Variants in SCAF4 observed in about 807,000 individuals in gnomAD.
The protein encoded by SCAF4 is SR-related CTD associated factor 4.
A neutral mutation model predicts 129.8 loss-of-function variants in SCAF4; 25 were observed. That is an observed-to-expected ratio of 0.19 (90% confidence interval 0.14 to 0.27). The LOEUF (loss-of-function observed/expected upper bound fraction) is 0.27. Ranked by LOEUF, SCAF4 falls within the 10% of genes least tolerant of loss-of-function variation. The pLI is 1.00. For missense variants in SCAF4, 1,246 were observed against 1,457.1 expected (o/e 0.86, Z 2.36); for synonymous variants, 551 against 497.7 (o/e 1.11, Z -1.43).
chr21:31,703,329 G>C (rs1418074290), intron 4 of SCAF4, among the ~76,000 whole-genome samples: 1 of 151,536 alleles, frequency 6.6e-6, no homozygotes, highest in Non-Finnish European at 1.5e-5. Context: ...ACTTTACTGT[G>C]ATAAGAACAC....
intron 16 of SCAF4, among the ~76,000 whole-genome samples, chr21:31,686,980 C>A (rs904254699): frequency 1.3e-5 from 2 of 152,166 alleles, no homozygotes; most frequent in Non-Finnish European, 2.9e-5. Context: ...TGAGTGCTGA[C>A]ACACATTGAA....
Position 31,685,620 on chromosome 21 carries a change from A to G in SCAF4, c.2157T>C (p.Pro719=). 6.2e-7 allele frequency: 1 copy of G among 1,614,060 alleles called. No homozygotes were observed. The highest frequency in any genetic ancestry group is 8.5e-7 in the Non-Finnish European group (1 of 1,180,000). Residue 719 remains proline, a synonymous_variant, in exon 17 of 20, where the codon CCT becomes CCC. Coordinates refer to ENST00000286835, the MANE Select transcript of SCAF4 (RefSeq NM_020706.2). ...PGFGPGVPPP[P]PPPPFLRPGF... ...CTGGGCGCAAAAATGGTGGAGGAGG[A>G]GGGGGAGGAGGAACACCAGGACCAA...
At chr21:31,720,195 A>C (rs920940325) in intron 1 of SCAF4, among the ~76,000 whole-genome samples, 14 of 152,242 alleles carry the variant, frequency 9.2e-5, no homozygotes, top group African/African-American at 2.7e-4. Context: ...CATCAATACA[A>C]GAAATAAAAA....
chr21:31,693,025 T>C (rs2050296754), intron 12 of SCAF4, among the ~76,000 whole-genome samples: 1 of 152,230 alleles, frequency 6.6e-6, no homozygotes, highest in African/African-American at 2.4e-5. Flanking sequence ...TCTGAAGACA[T>C]CTGATGAGAT....
rs1474228215 is a variant in SCAF4, at chr21:31,671,153, A to T, written c.*246T>A. The T allele has an allele frequency of 2.5e-6, 1 of 393,634 alleles. No individual in the cohort carries two copies. The highest frequency in any genetic ancestry group is 4.5e-6 in the Non-Finnish European group (1 of 224,478). The allele number at this position is 393,634 out of a possible 1,614,324, so 24.4% of individuals were successfully genotyped here. A position where few individuals can be genotyped will look rare whatever the true frequency, so the allele number is the denominator to read the frequency against. Reference sequence around the variant, plus strand: ...GAGAGCACTTCTAATTACGATTTGTAAACTTTTTAAAGTCAAAACTTTTAA... The same window carrying T: ...GAGAGCACTTCTAATTACGATTTGTTAACTTTTTAAAGTCAAAACTTTTAA... On this transcript the variant is annotated 3_prime_UTR_variant, in exon 20 of 20. Coordinates refer to ENST00000286835, the MANE Select transcript of SCAF4 (RefSeq NM_020706.2).
chr21:31,726,344 G>C (rs71321399), intron 1 of SCAF4, among the ~76,000 whole-genome samples: 17,382 of 152,010 alleles, frequency 0.11, 1,078 homozygotes, highest in Non-Finnish European at 0.13. Context: ...CACGCCTGGC[G>C]GTGGCCCTTA....
chr21:31,690,246 A>T (rs1166146924), intron 15 of SCAF4, among the ~76,000 whole-genome samples: 1 of 152,134 alleles, frequency 6.6e-6, no homozygotes, highest in Non-Finnish European at 1.5e-5. Flanking sequence ...ACTCTATGGG[A>T]GGTCGAGGTG....
At chr21:31,729,016 C>A (rs2051278758) in intron 1 of SCAF4, among the ~76,000 whole-genome samples, 1 of 152,194 alleles carries the variant, frequency 6.6e-6, no homozygotes, top group South Asian at 2.1e-4. Context: ...ATTCTCCATT[C>A]CCACTATACA....
At position 31,671,319 on chromosome 21, in the gene SCAF4, C is replaced by A; in HGVS notation, c.*80G>T. The A allele has an allele frequency of 4.0e-6, 6 of 1,495,004 alleles. No individual in the cohort carries two copies. Among genetic ancestry groups the A allele is most frequent in the Non-Finnish European group, 3.6e-6 (4 of 1,113,762 alleles). 92.6% of individuals were successfully genotyped at this position (1,495,004 alleles called of 1,614,324 possible). A position where few individuals can be genotyped will look rare whatever the true frequency, so the allele number is the denominator to read the frequency against. On this transcript the variant is annotated 3_prime_UTR_variant, in exon 20 of 20. Transcript: ENST00000286835. ...GCGCGGGGCTGCAGTACAGCGGGAG[C>A]GGATATAATACAGCATCTGTACACC...
chr21:31,680,024 G>A (rs972963218), intron 19 of SCAF4, among the ~76,000 whole-genome samples: 6 of 152,104 alleles, frequency 3.9e-5, no homozygotes, highest in East Asian at 1.9e-4. Context: ...AATATTAGCC[G>A]GAAAAAAATC....
chr21:31,695,355 A>C (rs2050359288), intron 9 of SCAF4, among the ~76,000 whole-genome samples: 1 of 152,192 alleles, frequency 6.6e-6, no homozygotes, highest in African/African-American at 2.4e-5. Context: ...AAAACTGGCT[A>C]TCTAGAAGCA....
Position 31,696,679 on chromosome 21 carries a change from A to G in SCAF4, c.849T>C (p.Thr283=), listed in dbSNP as rs760087176. The G allele has an allele frequency of 2.5e-6, 4 of 1,613,910 alleles. No individual in the cohort carries two copies. The highest frequency in any genetic ancestry group is 1.6e-4 in the Middle Eastern group (1 of 6,084). Reference sequence around the variant, plus strand: ...CAGCAGGTGCTGTCGTGGTGACGGCAGTGGTATCCTCTTTCTTTGATTCTT... The same window carrying G: ...CAGCAGGTGCTGTCGTGGTGACGGCGGTGGTATCCTCTTTCTTTGATTCTT... The part of the protein sequence containing the change: ...AVEESKKEDT[T]AVTTTAPAAA... Residue 283 remains threonine, a synonymous_variant, in exon 8 of 20, where the codon ACT becomes ACC. Transcript: ENST00000286835.
At chr21:31,689,358 C>T (rs1384926020) in intron 15 of SCAF4, among the ~76,000 whole-genome samples, 9 of 151,394 alleles carry the variant, frequency 5.9e-5, no homozygotes, top group African/African-American at 1.7e-4. Context: ...AGTGCAGTGG[C>T]GCAATCTCAA....
chr21:31,722,087 CTT>C (rs781035192), intron 1 of SCAF4, among the ~76,000 whole-genome samples: 1 of 152,162 alleles, frequency 6.6e-6, no homozygotes, highest in East Asian at 1.9e-4. Context: ...TGGCAATACT[CTT>C]TAAGTTTTAA....
chr21:31,708,125 T>C (rs149040292), intron 1 of SCAF4, among the ~76,000 whole-genome samples: 3,009 of 152,078 alleles, frequency 0.02, 100 homozygotes, highest in African/African-American at 0.069. Context: ...CGGTGGCTCA[T>C]GCCTGTAATC....
intron 1 of SCAF4, among the ~76,000 whole-genome samples, chr21:31,709,648 A>AG (rs954721555): frequency 6.6e-6 from 1 of 152,178 alleles, no homozygotes; most frequent in African/African-American, 2.4e-5. Context: ...TTCAGACAAA[A>AG]GACCAGCAAG....
At chr21:31,691,671 TTAAA>T in intron 14 of SCAF4, 142 bp downstream of exon 14, 1 of 382,474 alleles carries the variant, frequency 2.6e-6, no homozygotes, top group Non-Finnish European at 4.5e-6. Flanking sequence ...GAAATATTCT[TTAAA>T]AAAAAAAAAA....
chr21:31,701,290 G>T, intron 6 of SCAF4, 119 bp from the exon 7 acceptor site: 1 of 803,606 alleles, frequency 1.2e-6, no homozygotes, highest in Non-Finnish European at 1.8e-6. Flanking sequence ...AGAACAAATT[G>T]GGGAAAAAAT....
At chr21:31,695,023 T>G in intron 9 of SCAF4, 43 bp from the exon 10 acceptor site, 1 of 1,535,140 alleles carries the variant, frequency 6.5e-7, no homozygotes, top group South Asian at 1.2e-5. Context: ...GCTATCAAAA[T>G]AATTTGGAAA....
Sources: allele counts gnomAD v4.1 joint callset (sites outside exome capture counted in the v4.1 genomes callset), GRCh38; gene constraint gnomAD v4.1.1; transcripts MANE v1.5; gene names NCBI Gene and HGNC (gene_info 2026-07-23, HGNC 2026-07-21).